Variants in KAZN observed in about 807,000 individuals in gnomAD.
KAZN encodes the protein kazrin.
KAZN carries 40 observed loss-of-function variants against 87.4 expected under a neutral mutation model. The observed-to-expected ratio is 0.46, with a 90% CI of 0.36 to 0.60. KAZN has a LOEUF of 0.60. Ranked by LOEUF, KAZN falls within the 20% of genes least tolerant of loss-of-function variation. KAZN has a pLI of 0.00. For synonymous variants in KAZN, 466 were observed against 458.3 expected, an observed-to-expected ratio of 1.02 and a Z score of -0.22; for missense variants, 898 against 1,073.9, an observed-to-expected ratio of 0.84 and a Z score of 2.29.
chr1:14,579,086 G>A (rs546395334), intron 2 of KAZN, among the ~76,000 whole-genome samples: 3 of 152,218 alleles, frequency 2.0e-5, no homozygotes, highest in East Asian at 1.9e-4. Context: ...GAAGAGAAAC[G>A]TAGCACTCCA....
chr1:14,835,214 T>C (rs1647193302), intron 1 of KAZN, among the ~76,000 whole-genome samples: 1 of 152,224 alleles, frequency 6.6e-6, no homozygotes, highest in Non-Finnish European at 1.5e-5. Flanking sequence ...TGCTTTGCCC[T>C]GTGGTCACCA....
intron 2 of KAZN, among the ~76,000 whole-genome samples, chr1:14,398,698 T>G (rs1663111642): frequency 6.6e-6 from 1 of 152,186 alleles, no homozygotes. Context: ...CTTTTCTATC[T>G]TCTCTGAGAA....
In KAZN at chr1:14,271,958, C is replaced by T. The variant is rs369742404; in HGVS notation, c.249+91366C>T. On this transcript the variant is annotated intron_variant, in intron 2 of 16. Coordinates refer to the KAZN transcript ENST00000636203. ...GTCTACAACATAGAATAAGCCTCAG[C>T]GTGCTCATTTGTAGACATAATGATT... Among the ~76,000 whole-genome samples, 187 of 152,226 alleles carry T rather than the reference C, an allele frequency of 1.2e-3. 8 individuals carry two copies. The South Asian group carries it at 0.037, about 30-fold the overall frequency.
chr1:14,855,990 G>T (rs1412927663), intron 1 of KAZN, among the ~76,000 whole-genome samples: 2 of 152,112 alleles, frequency 1.3e-5, no homozygotes, highest in Non-Finnish European at 2.9e-5. Context: ...CCAAAATGAT[G>T]GTACATTTAC....
intron 2 of KAZN, among the ~76,000 whole-genome samples, chr1:14,417,982 T>A (rs1171684261): frequency 1.1e-5 from 1 of 92,674 alleles, no homozygotes; most frequent in Non-Finnish European, 1.9e-5. Context: ...GGCGACAGAG[T>A]GAGACTGCCT....
intron 2 of KAZN, among the ~76,000 whole-genome samples, chr1:14,390,467 G>A (rs1311009688): frequency 6.6e-6 from 1 of 152,234 alleles, no homozygotes; most frequent in East Asian, 1.9e-4. Context: ...ATAAAGATCT[G>A]AAGGAAGTGA....
intron 1 of KAZN, among the ~76,000 whole-genome samples, chr1:14,067,035 T>C (rs925910597): frequency 6.6e-6 from 1 of 152,170 alleles, no homozygotes; most frequent in African/African-American, 2.4e-5. Flanking sequence ...TCAACTGCTG[T>C]GTGACTATCA....
chr1:14,515,379 G>A (rs959593408), intron 2 of KAZN, among the ~76,000 whole-genome samples: 4 of 152,182 alleles, frequency 2.6e-5, no homozygotes, highest in African/African-American at 9.7e-5. Context: ...TGATACTTGC[G>A]AGGCAGTGTG....
At chr1:14,958,620 G>A (rs1213472482) in intron 1 of KAZN, among the ~76,000 whole-genome samples, 1 of 152,202 alleles carries the variant, frequency 6.6e-6, no homozygotes, top group African/African-American at 2.4e-5. Flanking sequence ...ATGCCTGGCC[G>A]GAGACCTGGT....
intron 2 of KAZN, among the ~76,000 whole-genome samples, chr1:14,225,254 A>G (rs577573900): frequency 2.5e-4 from 38 of 152,280 alleles, no homozygotes; most frequent in African/African-American, 8.7e-4. Flanking sequence ...TACATCACCA[A>G]CATCCAAGCT....
intron 2 of KAZN, among the ~76,000 whole-genome samples, chr1:14,190,636 C>T (rs955199160): frequency 6.6e-6 from 1 of 152,126 alleles, no homozygotes; most frequent in Non-Finnish European, 1.5e-5. Flanking sequence ...ACCAAGATAC[C>T]TTGCATATTT....
At chr1:14,382,322 T>A (rs1005680022) in intron 2 of KAZN, among the ~76,000 whole-genome samples, 5 of 149,996 alleles carry the variant, frequency 3.3e-5, no homozygotes, top group African/African-American at 1.2e-4. Flanking sequence ...GAAACAATTC[T>A]TTTTTTTATT....
chr1:14,266,006 C>G (rs989479873), intron 2 of KAZN, among the ~76,000 whole-genome samples: 1 of 152,194 alleles, frequency 6.6e-6, no homozygotes. Flanking sequence ...AAGTTTGAAT[C>G]ATGCCCCCTA....
At chr1:14,038,246 T>C (rs1416596363) in intron 1 of KAZN, among the ~76,000 whole-genome samples, 2 of 152,114 alleles carry the variant, frequency 1.3e-5, no homozygotes, top group Non-Finnish European at 2.9e-5. Flanking sequence ...GAAAGGGATC[T>C]GGGGGTCTGG....
intron 2 of KAZN, among the ~76,000 whole-genome samples, chr1:14,478,720 G>A (rs534825253): frequency 4.7e-4 from 72 of 152,162 alleles, no homozygotes; most frequent in African/African-American, 1.3e-3. Context: ...TACTGCCTTC[G>A]TAATGTCTCA....
At chr1:14,515,787 A>G (rs1216475452) in intron 2 of KAZN, among the ~76,000 whole-genome samples, 1 of 152,034 alleles carries the variant, frequency 6.6e-6, no homozygotes, top group Non-Finnish European at 1.5e-5. Flanking sequence ...TTTATAACCT[A>G]TCAGTCTGCT....
intron 1 of KAZN, among the ~76,000 whole-genome samples, chr1:14,812,779 A>T (rs1002738617): frequency 6.6e-6 from 1 of 151,960 alleles, no homozygotes; most frequent in African/African-American, 2.4e-5. Flanking sequence ...TTCCCAACGC[A>T]TTGGGATTGG....
intron 2 of KAZN, among the ~76,000 whole-genome samples, chr1:14,251,225 T>C (rs894756421): frequency 2.0e-5 from 3 of 152,214 alleles, no homozygotes; most frequent in African/African-American, 7.2e-5. Flanking sequence ...GTTTACCCAC[T>C]GTGACCACCA....
intron 1 of KAZN, among the ~76,000 whole-genome samples, chr1:14,853,743 G>A (rs534751675): frequency 8.0e-4 from 122 of 152,312 alleles, no homozygotes; most frequent in Non-Finnish European, 1.5e-3. Context: ...CCCAGAATCA[G>A]GCTGCTCAAG....
Sources: gnomAD v4.1 joint callset for allele counts (sites outside exome capture counted in the v4.1 genomes callset) on GRCh38, gnomAD v4.1.1 for gene constraint, MANE v1.5 for transcripts, NCBI Gene and HGNC (gene_info 2026-07-23, HGNC 2026-07-21) for gene names.